The following REM1 variants were observed in gnomAD, a reference collection of about 807,000 sequenced individuals.
REM1 encodes RRAD and GEM like GTPase 1.
REM1 carries 20 observed loss-of-function variants against 27.0 expected under a neutral mutation model. The ratio of observed to expected loss-of-function variants is 0.74; its 90% CI spans 0.52 to 1.08. The LOEUF is 1.08. Ranked by LOEUF, REM1 falls within the 50% of genes least tolerant of loss-of-function variation. The pLI is 0.00. For missense variants in REM1, 405 were observed against 407.0 expected, an observed-to-expected ratio of 1.00 and a Z score of 0.04; for synonymous variants, 159 against 167.9, an observed-to-expected ratio of 0.95 and a Z score of 0.41.
intron 4 of REM1, among the ~76,000 whole-genome samples, chr20:31,483,812 G>A (rs1568764494): frequency 6.7e-6 from 1 of 150,012 alleles, no homozygotes; most frequent in Non-Finnish European, 1.5e-5. Flanking sequence ...ATAAGCCCCA[G>A]GAGATTTTGT....
Position 31,484,395 on chromosome 20 carries a change from C to G in REM1, c.862C>G (p.Arg288Gly), listed in dbSNP as rs1350123866. 5.8e-6 allele frequency: 9 copies of G among 1,540,242 alleles called. No homozygotes were observed. The highest frequency in any genetic ancestry group is 7.0e-6 in the Non-Finnish European group (8 of 1,144,976). Residue 288 changes from arginine (R) to glycine (G), a missense_variant, in exon 5 of 5, where the codon CGC (arginine) becomes GGC (glycine). By Grantham distance (125) the Arg-to-Gly change is moderately radical (BLOSUM62 -2). Transcript: ENST00000201979. ...RSARRRALKA[R>G]SKSCHNLAVL ...CGCACGCCGCCGGGCACTCAAGGCC[C>G]GCTCCAAGTCCTGCCACAATCTGGC...
rs148658390 is a variant in REM1 at position 31,476,546 on chromosome 20, G to T, written c.101G>T (p.Ser34Ile). ...SPRGHQPGRL[S>I]TVPSTQSQHP... is the part of the protein sequence containing the mutation. ...CGGGGCCACCAGCCTGGCCGCCTGA[G>T]CACAGTGCCTTCCACTCAATCCCAG... Residue 34 changes from serine (S) to isoleucine (I), a missense_variant, in exon 2 of 5, where the codon AGC becomes ATC. Physicochemically the swap from Ser to Ile is moderately radical, Grantham distance 142 (BLOSUM62 -2). Coordinates refer to ENST00000201979, the MANE Select transcript of REM1 (RefSeq NM_014012.6). The T allele has an allele frequency of 2.5e-6, 4 of 1,614,034 alleles. No individual in the cohort carries two copies. The highest frequency in any genetic ancestry group is 3.4e-6 in the Non-Finnish European group (4 of 1,180,006).
At chr20:31,478,508 G>A (rs1980605396) in intron 3 of REM1, among the ~76,000 whole-genome samples, 1 of 152,208 alleles carries the variant, frequency 6.6e-6, no homozygotes, top group Non-Finnish European at 1.5e-5. Flanking sequence ...ATCAGGGCAG[G>A]AAGACAGCAG....
chr20:31,482,569 A>T (rs1405676425), intron 4 of REM1, 81 bp downstream of exon 4: 4 of 1,385,342 alleles, frequency 2.9e-6, no homozygotes, highest in African/African-American at 1.4e-5. Flanking sequence ...CATCTCAGTG[A>T]CTGTCCCTGC....
rs1421817830 is a variant in REM1 at position 31,476,440 on chromosome 20, C to T, written c.-6C>T. 10 of 1,551,434 alleles carry T rather than the reference C, an allele frequency of 6.4e-6. No individual in the cohort carries two copies. Among genetic ancestry groups the T allele is most frequent in the Non-Finnish European group, 6.9e-6 (8 of 1,151,338 alleles). ...GAAGGAAGAAGCAAACCCCCCCCTA[C>T]CAAAGATGACACTCAACACCGAGCA... On this transcript the variant is annotated 5_prime_UTR_variant, in exon 2 of 5. Transcript: ENST00000201979.
chr20:31,476,517 C>A lies in REM1; in HGVS notation c.72C>A (p.Ser24=). The change falls in exon 2 of 5, where the codon TCC becomes TCA. Residue 24 remains serine (S), a synonymous_variant. Coordinates refer to ENST00000201979, the MANE Select transcript of REM1 (RefSeq NM_014012.6). ...HRRASTPLPL[S]PRGHQPGRLS... is the part of the protein sequence containing the mutation. ...GAGCCAGCACCCCACTGCCCCTGTC[C>A]CCACGGGGCCACCAGCCTGGCCGCC... The A allele has an allele frequency of 6.2e-7, 1 of 1,613,924 alleles. No individual in the cohort carries two copies.
chr20:31,478,124 AG>A (rs1980591386), intron 3 of REM1, among the ~76,000 whole-genome samples: 1 of 151,890 alleles, frequency 6.6e-6, no homozygotes, highest in South Asian at 2.1e-4. Flanking sequence ...ATCCCCTCCT[AG>A]CAGCCATCTC....
Position 31,476,606 on chromosome 20 carries a change from C to T in REM1, c.161C>T (p.Pro54Leu). Reference protein sequence around the residue: ...PRLGQSASLNPPTQKPSPAPD... With the variant: ...PRLGQSASLNLPTQKPSPAPD... The stretch of plus-strand genomic sequence containing the variant: ...CTGGGCCAATCAGCCTCCCTCAACC[C>T]TCCCACCCAGAAACCTTCACCTGCC... Residue 54 changes from proline to leucine, a missense_variant, in exon 2 of 5, where the codon CCT (proline) becomes CTT (leucine). Physicochemically the swap from Pro to Leu is moderately conservative, Grantham distance 98. Coordinates refer to ENST00000201979, the MANE Select transcript of REM1 (RefSeq NM_014012.6). 1.2e-6 allele frequency: 2 copies of T among 1,614,176 alleles called. No homozygotes were observed. Among genetic ancestry groups the T allele is most frequent in the Admixed American group, 1.7e-5 (1 of 60,026 alleles).
chr20:31,481,178 C>T (rs1400373342), intron 3 of REM1, among the ~76,000 whole-genome samples: 2 of 152,120 alleles, frequency 1.3e-5, no homozygotes, highest in Non-Finnish European at 2.9e-5. Flanking sequence ...GAAGCCGAGG[C>T]AGGAGAATCA....
In REM1 at chr20:31,484,807, CTACTGCCCT is replaced by C; in HGVS notation, c.*378_*386del. Reference sequence around the variant, plus strand: ...TCTCGGCTCTTCCAGGCGTCTCCACCTACTGCCCTCCCATCTACACTTGACTGTAGACTG... The same window carrying C: ...TCTCGGCTCTTCCAGGCGTCTCCACCCCCATCTACACTTGACTGTAGACTG... On this transcript the variant is annotated 3_prime_UTR_variant, in exon 5 of 5. Coordinates refer to ENST00000201979, the MANE Select transcript of REM1 (RefSeq NM_014012.6). 9.6e-6 allele frequency: 2 copies of C among 209,250 alleles called. No individual in the cohort carries two copies. Among genetic ancestry groups the C allele is most frequent in the Non-Finnish European group, 9.4e-6 (1 of 105,910 alleles). The allele number at this position is 209,250 out of a possible 1,614,324, so 13.0% of individuals were successfully genotyped here. A position where few individuals can be genotyped will look rare whatever the true frequency, so the allele number is the denominator to read the frequency against.
chr20:31,476,959 G>A (rs548257847), intron 2 of REM1, among the ~76,000 whole-genome samples, 174 bp downstream of exon 2: 1 of 152,282 alleles, frequency 6.6e-6, no homozygotes, highest in South Asian at 2.1e-4. Flanking sequence ...AAGTTGTACA[G>A]GGCACAGCCT....
chr20:31,478,818 CTT>C (rs1491275413), intron 3 of REM1, among the ~76,000 whole-genome samples: 22 of 150,908 alleles, frequency 1.5e-4, no homozygotes, highest in Admixed American at 7.9e-4. Context: ...TCTACAAAAT[CTT>C]TGTAGATCTT....
In REM1 at chr20:31,482,436, C is replaced by A. The variant is rs2233832; in HGVS notation, c.573C>A (p.Ile191=). The change falls in exon 4 of 5, where the codon ATC becomes ATA. Residue 191 remains isoleucine, a synonymous_variant. Transcript: ENST00000201979. The part of the protein sequence containing the change: ...RTHQADHVPI[I]LVGNKADLAR... ...ATCAGGCAGACCATGTGCCCATCAT[C>A]CTCGTGGGCAACAAGGCAGACTTGG... 149,663 of 1,614,064 alleles carry A rather than the reference C, an allele frequency of 0.093. 8,491 individuals are homozygous for A. The highest frequency in any genetic ancestry group is 0.26 in the East Asian group (11,617 of 44,858).
Position 31,484,587 on chromosome 20 carries a change from G to A in REM1, c.*157G>A. On this transcript the variant is annotated 3_prime_UTR_variant, in exon 5 of 5. Coordinates refer to ENST00000201979, the MANE Select transcript of REM1 (RefSeq NM_014012.6). ...CTGAGCATCCCCCAGATCCAAGCCT[G>A]GGGGATCCCGGGAAAGCGATGGACA... 1.1e-6 allele frequency: 1 copy of A among 923,768 alleles called. No homozygotes were observed. Among genetic ancestry groups the A allele is most frequent in the Non-Finnish European group, 1.5e-6 (1 of 663,262 alleles). 57.2% of individuals were successfully genotyped at this position (923,768 alleles called of 1,614,324 possible).
At chr20:31,478,221 G>A (rs1471806162) in intron 3 of REM1, among the ~76,000 whole-genome samples, 1 of 113,676 alleles carries the variant, frequency 8.8e-6, no homozygotes, top group East Asian at 2.9e-4. Context: ...CAGAAGGAAC[G>A]CTGGATTTGG....
rs1462079757 is a variant in REM1, at chr20:31,475,572, G to A, written c.-220+206G>A. Among the ~76,000 whole-genome samples the A allele has an allele frequency of 6.6e-6, 1 of 152,194 alleles. No homozygotes were observed. Among genetic ancestry groups the A allele is most frequent in the Non-Finnish European group, 1.5e-5 (1 of 68,020 alleles). On this transcript the variant is annotated intron_variant, in intron 1 of 4. Coordinates refer to ENST00000201979, the MANE Select transcript of REM1 (RefSeq NM_014012.6). The surrounding 1 kb of genome is among the most constrained non-coding windows in gnomAD (Gnocchi z 5.0). ...ACCCCAGGATGGGGGATTCACACCC[G>A]GGATGCCGGCTGAGAAAGCTCGGAC...
rs1205580643 is a variant in REM1 at position 31,484,296 on chromosome 20, C to A, written c.763C>A (p.Pro255Thr). ...CCGCCGGGACAGTGCGGCCAAGGAA[C>A]CCCCAGCACCCCGACGGCCGGCCAG... ...LRRRDSAAKE[P>T]PAPRRPASLA... is the part of the protein sequence containing the mutation. The change falls in exon 5 of 5, where the codon CCC becomes ACC. Residue 255 changes from proline (P) to threonine (T), a missense_variant. Pro to Thr is a conservative substitution (Grantham distance 38). Transcript: ENST00000201979. 9 of 1,584,976 alleles carry A rather than the reference C, an allele frequency of 5.7e-6. No homozygotes were observed. The East Asian group carries it at 9.1e-5, about 16-fold the overall frequency.
chr20:31,482,202 C>A, intron 3 of REM1, 85 bp from the exon 4 acceptor site: 1 of 1,271,640 alleles, frequency 7.9e-7, no homozygotes, highest in Non-Finnish European at 1.1e-6. Flanking sequence ...AGCTGCATCC[C>A]ACCCATTAGA....
chr20:31,476,164 C>T, intron 1 of REM1, 63 bp from the exon 2 acceptor site: 2 of 440,812 alleles, frequency 4.5e-6, no homozygotes, highest in South Asian at 4.8e-5. Context: ...AAGGGAATGG[C>T]CTCTGGGTGT....
Sources: allele counts gnomAD v4.1 joint callset (sites outside exome capture counted in the v4.1 genomes callset), GRCh38; gene constraint gnomAD v4.1.1; non-coding constraint Gnocchi (gnomAD v3.1); transcripts MANE v1.5; gene names NCBI Gene and HGNC (gene_info 2026-07-23, HGNC 2026-07-21).